The following NUAK1 variants were observed in gnomAD, a reference collection of about 807,000 sequenced individuals.
NUAK1 encodes NUAK family kinase 1.
In NUAK1, 26 loss-of-function variants were observed where a neutral mutation model predicts 56.9. The ratio of observed to expected loss-of-function variants is 0.46; its 90% CI spans 0.33 to 0.63. The LOEUF (loss-of-function observed/expected upper bound fraction) is 0.63, where lower values mean the gene tolerates loss of function less well. NUAK1 is among the 30% of genes least tolerant of loss of function. The pLI is 0.02. For synonymous variants in NUAK1, 337 were observed against 336.0 expected (o/e 1.00, Z -0.03); for missense variants, 727 against 876.1 (o/e 0.83, Z 2.15).
At position 106,067,238 on chromosome 12, in the gene NUAK1, A is replaced by G; in HGVS notation, c.1550T>C (p.Leu517Pro). The change falls in exon 7 of 7, where the codon CTC (leucine) becomes CCC (proline). Residue 517 changes from leucine to proline, a missense_variant. Transcript: ENST00000261402. The surrounding 1 kb of genome is among the most constrained non-coding windows in gnomAD (Gnocchi z 6.0). ...CAAGATGCCCTTCCTCCGGCAGGAG[A>G]GGCTGTGGGAGGTTACCCTGGCTGG... ...PDPARVTSHSLSCRRKGILKH... is the reference protein window; with the variant it reads ...PDPARVTSHSPSCRRKGILKH... 1 of 1,613,382 alleles carries G rather than the reference A, an allele frequency of 6.2e-7. No individual in the cohort carries two copies. The highest frequency in any genetic ancestry group is 1.1e-5 in the South Asian group (1 of 91,032).
intron 1 of NUAK1, among the ~76,000 whole-genome samples, chr12:106,124,760 A>G (rs545197336): frequency 6.6e-5 from 10 of 152,128 alleles, no homozygotes; most frequent in Non-Finnish European, 1.2e-4. Context: ...CTGTAACCCC[A>G]GCACTACAGG....
At chr12:106,129,029 C>T (rs1212697057) in intron 1 of NUAK1, among the ~76,000 whole-genome samples, 1 of 152,202 alleles carries the variant, frequency 6.6e-6, no homozygotes, top group East Asian at 1.9e-4. Flanking sequence ...GAGCTGATTA[C>T]CTGGGCTTCT....
chr12:106,099,283 G>C (rs1383069962), intron 2 of NUAK1, among the ~76,000 whole-genome samples: 1 of 152,114 alleles, frequency 6.6e-6, no homozygotes, highest in Non-Finnish European at 1.5e-5. Context: ...TGGGCCTGGG[G>C]GTATTGTGAT....
At chr12:106,086,951 G>A in intron 2 of NUAK1, 66 bp from the exon 3 acceptor site, 2 of 1,564,610 alleles carry the variant, frequency 1.3e-6, no homozygotes, top group South Asian at 2.3e-5. Context: ...ATGCTACAGA[G>A]AATGCGAGAG....
chr12:106,118,341 C>T (rs905140949), intron 1 of NUAK1, among the ~76,000 whole-genome samples: 10 of 152,206 alleles, frequency 6.6e-5, no homozygotes, highest in African/African-American at 2.2e-4. Context: ...GATCCAGTGG[C>T]CAATGCTGCT....
At position 106,084,841 on chromosome 12, in the gene NUAK1, T is replaced by C. The variant is rs543902056; in HGVS notation, c.514-912A>G. On this transcript the variant is annotated intron_variant, in intron 3 of 6. Coordinates refer to ENST00000261402, the MANE Select transcript of NUAK1 (RefSeq NM_014840.3). Reference sequence around the variant, plus strand: ...GTGAGTGGACAAGTAACAGGGGACATTGAATGATTCTGAACATCATTCAGC... The same window carrying C: ...GTGAGTGGACAAGTAACAGGGGACACTGAATGATTCTGAACATCATTCAGC... Among the ~76,000 whole-genome samples, 7 of 152,332 alleles carry C rather than the reference T, an allele frequency of 4.6e-5. No individual in the cohort carries two copies. In the South Asian group the frequency reaches 1.0e-3, roughly 23 times the overall value.
intron 1 of NUAK1, among the ~76,000 whole-genome samples, chr12:106,130,646 C>T (rs61940220): frequency 3.3e-5 from 5 of 152,200 alleles, no homozygotes; most frequent in Non-Finnish European, 5.9e-5. Context: ...AGGCACCAGC[C>T]GATGGGCAGG....
intron 2 of NUAK1, among the ~76,000 whole-genome samples, chr12:106,095,879 A>G (rs183262823): frequency 3.9e-5 from 6 of 152,282 alleles, no homozygotes; most frequent in African/African-American, 1.2e-4. Context: ...ATGGGTGTCA[A>G]TCTCTGAGCC....
Position 106,065,018 on chromosome 12 carries a change from T to G in NUAK1, c.*1784A>C, listed in dbSNP as rs1033618926. On this transcript the variant is annotated 3_prime_UTR_variant, in exon 7 of 7. Transcript: ENST00000261402. ...TAAGGAAAGGGCAATTCCATTCTAA[T>G]GCACTTTCTTAGCACTGTAAGGTGA... The G allele has an allele frequency of 7.2e-5, 11 of 152,204 alleles. No homozygotes were observed. Among genetic ancestry groups the G allele is most frequent in the African/African-American group, 2.7e-4 (11 of 41,438 alleles). 9.4% of individuals were successfully genotyped at this position (152,204 alleles called of 1,614,324 possible). A position where few individuals can be genotyped will look rare whatever the true frequency, so the allele number is the denominator to read the frequency against.
chr12:106,078,732 C>A lies in NUAK1; in HGVS notation c.579+5132G>T, dbSNP rs188936593. Among the ~76,000 whole-genome samples the A allele has an allele frequency of 3.9e-4, 60 of 152,292 alleles. No individual in the cohort carries two copies. In the East Asian group the frequency reaches 8.9e-3, roughly 23 times the overall value. On this transcript the variant is annotated intron_variant, in intron 4 of 6. Transcript: ENST00000261402. ...TCTCTTAAAAGAAAAGAAATTCCCACCAGGAACAATGTGAGGAGGCTCTTA... is the reference window on the plus strand; with the variant it reads ...TCTCTTAAAAGAAAAGAAATTCCCAACAGGAACAATGTGAGGAGGCTCTTA...
intron 2 of NUAK1, among the ~76,000 whole-genome samples, chr12:106,102,393 A>G (rs11112866): frequency 0.18 from 27,393 of 152,248 alleles, 2,733 homozygotes; most frequent in Admixed American, 0.23. Context: ...ATGCTGTCCC[A>G]TATGGTAGCC....
chr12:106,132,139 C>T (rs1385848502), intron 1 of NUAK1, among the ~76,000 whole-genome samples: 2 of 152,226 alleles, frequency 1.3e-5, no homozygotes, highest in African/African-American at 2.4e-5. Flanking sequence ...CTCTCCCTAA[C>T]AAATGCATGT....
chr12:106,066,857 T>A lies in NUAK1; in HGVS notation c.1931A>T (p.Asp644Val). 2 of 1,614,166 alleles carry A rather than the reference T, an allele frequency of 1.2e-6. No individual in the cohort carries two copies. The highest frequency in any genetic ancestry group is 1.7e-6 in the Non-Finnish European group (2 of 1,180,018). The change falls in exon 7 of 7, where the codon GAT becomes GTT. Residue 644 changes from aspartate (D) to valine (V), a missense_variant. Asp to Val is a radical substitution (Grantham distance 152, BLOSUM62 -3). Coordinates refer to ENST00000261402, the MANE Select transcript of NUAK1 (RefSeq NM_014840.3). The stretch of plus-strand genomic sequence containing the variant: ...TTGCTTGTAGACCTGAGTCACATCA[T>A]CCATGTCTGTGAGGAGGGAGAAGCT... ...DSSFSLLTDM[D>V]DVTQVYKQAL...
At chr12:106,100,551 T>C (rs1293547478) in intron 2 of NUAK1, among the ~76,000 whole-genome samples, 1 of 152,236 alleles carries the variant, frequency 6.6e-6, no homozygotes, top group Non-Finnish European at 1.5e-5. Context: ...TGACTCTCTG[T>C]CTCCTCTCTT....
chr12:106,070,061 A>T (rs1296634978), intron 6 of NUAK1, among the ~76,000 whole-genome samples: 3 of 152,192 alleles, frequency 2.0e-5, no homozygotes, highest in Admixed American at 6.5e-5. Context: ...AAAAATTTTA[A>T]AAAAAGAAAG....
chr12:106,093,841 C>T (rs1447435142), intron 2 of NUAK1, among the ~76,000 whole-genome samples: 1 of 152,216 alleles, frequency 6.6e-6, no homozygotes, highest in Non-Finnish European at 1.5e-5. Context: ...CTCTGTCACA[C>T]AGGTGGGAGT....
chr12:106,120,461 A>T (rs2032962956), intron 1 of NUAK1, among the ~76,000 whole-genome samples: 1 of 152,162 alleles, frequency 6.6e-6, no homozygotes, highest in East Asian at 1.9e-4. Flanking sequence ...GGCGTGTGCA[A>T]ATACAAACAC....
chr12:106,127,464 G>C (rs1349558540), intron 1 of NUAK1, among the ~76,000 whole-genome samples: 1 of 152,090 alleles, frequency 6.6e-6, no homozygotes, highest in Non-Finnish European at 1.5e-5. Flanking sequence ...ACCCAGCATG[G>C]GTGAACATTT....
intron 3 of NUAK1, 53 bp from the exon 4 acceptor site, chr12:106,083,982 A>G: frequency 2.1e-6 from 3 of 1,432,180 alleles, no homozygotes; most frequent in South Asian, 1.1e-5. Context: ...GGATGAGAAC[A>G]AGAGAGAAAG....
Sources: allele counts gnomAD v4.1 joint callset (sites outside exome capture counted in the v4.1 genomes callset), GRCh38; gene constraint gnomAD v4.1.1; non-coding constraint Gnocchi (gnomAD v3.1); transcripts MANE v1.5; gene names NCBI Gene and HGNC (gene_info 2026-07-23, HGNC 2026-07-21).